The following EPS15L1 variants were observed in gnomAD, a reference collection of about 807,000 sequenced individuals.
The protein encoded by EPS15L1 is epidermal growth factor receptor pathway substrate 15 like 1.
Under a neutral mutation model 117.1 loss-of-function variants are expected in EPS15L1, and 43 were observed. The ratio of observed to expected loss-of-function variants is 0.37; its 90% CI spans 0.29 to 0.47. EPS15L1 has a LOEUF of 0.47. Ranked by LOEUF, EPS15L1 falls within the 20% of genes least tolerant of loss-of-function variation. The pLI, the probability that EPS15L1 is intolerant of heterozygous loss-of-function variation, is 0.99. For missense variants in EPS15L1, 981 were observed against 1,164.0 expected (o/e 0.84, Z 2.29); for synonymous variants, 459 against 470.5 (o/e 0.98, Z 0.32).
chr19:16,462,208 C>T (rs1307742533), intron 1 of EPS15L1, among the ~76,000 whole-genome samples: 1 of 152,200 alleles, frequency 6.6e-6, no homozygotes, highest in Non-Finnish European at 1.5e-5. Flanking sequence ...TTGTTGGTCC[C>T]ACAACATTCC....
intron 16 of EPS15L1, among the ~76,000 whole-genome samples, chr19:16,399,670 T>C (rs1467950180): frequency 6.6e-6 from 1 of 151,426 alleles, no homozygotes; most frequent in African/African-American, 2.4e-5. Context: ...TCCTGTTTTT[T>C]GCTTTTTGGG....
intron 3 of EPS15L1, 170 bp from the exon 4 acceptor site, chr19:16,441,079 A>C (rs2093026936): frequency 8.6e-6 from 6 of 696,694 alleles, no homozygotes; most frequent in South Asian, 1.6e-5. Context: ...TGATCTGCCC[A>C]GGGGCGCACA....
Position 16,366,278 on chromosome 19 carries a change from C to T in EPS15L1, c.2381-4294G>A, listed in dbSNP as rs199710130. Among the ~76,000 whole-genome samples the T allele has an allele frequency of 3.9e-5, 6 of 152,166 alleles. No individual in the cohort carries two copies. The East Asian group carries it at 9.7e-4, about 24-fold the overall frequency. ...TGTGGAGGGAGGTGTAAAGGGAGGA[C>T]GCCCCAGCCAGGCCCCCAAGAGCGA... On this transcript the variant is annotated intron_variant, in intron 22 of 23. Transcript: ENST00000455140.
intron 20 of EPS15L1, among the ~76,000 whole-genome samples, chr19:16,385,582 G>C (rs937925962): frequency 6.6e-6 from 1 of 152,200 alleles, no homozygotes; most frequent in Non-Finnish European, 1.5e-5. Context: ...TCTTTGGATA[G>C]AGGTTTTTGC....
intron 23 of EPS15L1, among the ~76,000 whole-genome samples, chr19:16,359,508 C>T (rs2144621605): frequency 6.6e-6 from 1 of 152,300 alleles, no homozygotes; most frequent in Non-Finnish European, 1.5e-5. Flanking sequence ...CTGAAGTACA[C>T]TATCTGATCA....
intron 16 of EPS15L1, among the ~76,000 whole-genome samples, chr19:16,398,746 G>A (rs950159583): frequency 2.0e-5 from 3 of 152,180 alleles, no homozygotes; most frequent in Non-Finnish European, 4.4e-5. Context: ...CAGCGTGGGA[G>A]TTTTGACCTG....
rs903132848 is a variant in EPS15L1 at position 16,404,293 on chromosome 19, G to A, written c.1428+295C>T. ...CAGAGACACCTGAGGAGGGGACACA[G>A]GCACCCTGGAACTCCCTGTGTTGTG... On this transcript the variant is annotated intron_variant, in intron 14 of 23. Transcript: ENST00000455140. This position sits in a 1 kb window ranked among gnomAD's most constrained non-coding sequence, Gnocchi z 4.2. Among the ~76,000 whole-genome samples, 17 of 152,186 alleles carry A rather than the reference G, an allele frequency of 1.1e-4. 1 individual carries two copies. Among genetic ancestry groups the A allele is most frequent in the Non-Finnish European group, 5.9e-5 (4 of 68,032 alleles).
chr19:16,429,505 G>A (rs1352335063), intron 7 of EPS15L1, among the ~76,000 whole-genome samples: 1 of 152,142 alleles, frequency 6.6e-6, no homozygotes, highest in Non-Finnish European at 1.5e-5. Flanking sequence ...TTCAGTCCAT[G>A]CAGGTTTCTC....
intron 10 of EPS15L1, among the ~76,000 whole-genome samples, chr19:16,420,144 T>C (rs2092800041): frequency 6.6e-6 from 1 of 152,220 alleles, no homozygotes; most frequent in African/African-American, 2.4e-5. Flanking sequence ...TCTAGACTTC[T>C]TTTCTCATGG....
chr19:16,436,006 C>G (rs1286987203), intron 6 of EPS15L1, among the ~76,000 whole-genome samples: 1 of 152,166 alleles, frequency 6.6e-6, no homozygotes, highest in Non-Finnish European at 1.5e-5. Flanking sequence ...CCACACAATG[C>G]GCTGGGTGAC....
intron 7 of EPS15L1, among the ~76,000 whole-genome samples, chr19:16,431,597 G>A (rs893232734): frequency 1.2e-4 from 18 of 152,052 alleles, no homozygotes; most frequent in Admixed American, 2.6e-4. Context: ...CCACCGTACC[G>A]GGCCAGAAGG....
intron 8 of EPS15L1, among the ~76,000 whole-genome samples, 161 bp downstream of exon 8, chr19:16,428,541 A>AAGAG (rs1424820323): frequency 1.4e-5 from 2 of 147,136 alleles, no homozygotes; most frequent in African/African-American, 5.0e-5. Flanking sequence ...GAAAGGAAGA[A>AAGAG]AGACAGAAAA....
At chr19:16,420,111 C>T (rs1250491760) in intron 10 of EPS15L1, among the ~76,000 whole-genome samples, 2 of 152,204 alleles carry the variant, frequency 1.3e-5, no homozygotes, top group Admixed American at 6.5e-5. Flanking sequence ...GGCCATGCCC[C>T]GCCCCAGCCA....
intron 1 of EPS15L1, among the ~76,000 whole-genome samples, chr19:16,453,661 C>T (rs976210821): frequency 2.6e-5 from 4 of 151,456 alleles, no homozygotes; most frequent in African/African-American, 4.9e-5. Context: ...TGCAGTGAGC[C>T]GACATCGAGC....
rs564161836 is a variant in EPS15L1, at chr19:16,365,511, C to A, written c.2381-3527G>T. Among the ~76,000 whole-genome samples, 4 of 152,190 alleles carry A rather than the reference C, an allele frequency of 2.6e-5. No individual in the cohort carries two copies. Among genetic ancestry groups the A allele is most frequent in the Admixed American group, 6.5e-5 (1 of 15,284 alleles). ...CTTGGACTTTGAGCCTCTAGAACTG[C>A]GGGACAATCCATGTCTGCTGTTTAG... On this transcript the variant is annotated intron_variant, in intron 22 of 23. Coordinates refer to ENST00000455140, the MANE Select transcript of EPS15L1 (RefSeq NM_001258374.3). The surrounding 1 kb of genome is among the most constrained non-coding windows in gnomAD (Gnocchi z 4.9).
intron 1 of EPS15L1, among the ~76,000 whole-genome samples, chr19:16,458,889 C>T (rs546284407): frequency 4.6e-5 from 7 of 152,322 alleles, no homozygotes; most frequent in African/African-American, 7.2e-5. Context: ...TACAGGGATG[C>T]GTCCTGAGAG....
chr19:16,394,382 C>A (rs916444954), intron 17 of EPS15L1, among the ~76,000 whole-genome samples: 2 of 130,732 alleles, frequency 1.5e-5, no homozygotes, highest in Non-Finnish European at 3.5e-5. Flanking sequence ...TGGGCTGTCC[C>A]TCACTTTATC....
intron 7 of EPS15L1, among the ~76,000 whole-genome samples, chr19:16,431,094 C>T (rs1397979188): frequency 6.6e-6 from 1 of 151,776 alleles, no homozygotes; most frequent in Non-Finnish European, 1.5e-5. Flanking sequence ...TAAAAATTAG[C>T]TGGGCGTGAT....
chr19:16,427,241 C>T (rs2092881448), intron 8 of EPS15L1, among the ~76,000 whole-genome samples: 1 of 152,088 alleles, frequency 6.6e-6, no homozygotes, highest in South Asian at 2.1e-4. Context: ...AGGGTGTTCA[C>T]GTCACTGCAC....
Sources: allele counts gnomAD v4.1 joint callset (sites outside exome capture counted in the v4.1 genomes callset), GRCh38; gene constraint gnomAD v4.1.1; non-coding constraint Gnocchi (gnomAD v3.1); transcripts MANE v1.5; gene names NCBI Gene and HGNC (gene_info 2026-07-23, HGNC 2026-07-21).